TRAM2: variants seen among roughly 807,000 people sequenced by gnomAD.
TRAM2 encodes the protein translocating chain-associated membrane protein 2.
Under a neutral mutation model 51.0 loss-of-function variants are expected in TRAM2, and 12 were observed. The observed-to-expected ratio is 0.24, with a 90% CI of 0.15 to 0.38. The LOEUF is 0.38. Among genes scored for constraint, TRAM2 ranks in the 10% least tolerant of loss-of-function variants. The pLI, the probability that TRAM2 is intolerant of heterozygous loss-of-function variation, is 1.00. For missense variants in TRAM2, 361 were observed against 462.0 expected, an observed-to-expected ratio of 0.78 and a Z score of 2.00; for synonymous variants, 175 against 179.4, an observed-to-expected ratio of 0.98 and a Z score of 0.20.
chr6:52,547,667 C>T (rs1469944178), intron 1 of TRAM2, among the ~76,000 whole-genome samples: 1 of 152,218 alleles, frequency 6.6e-6, no homozygotes, highest in Non-Finnish European at 1.5e-5. Flanking sequence ...GAGGGACAGG[C>T]AGGGCCACCT....
rs1766152495 is a variant in TRAM2 at position 52,499,140 on chromosome 6, A to G, written c.*4057T>C. 6.6e-6 allele frequency: 1 copy of G among 152,096 alleles called. No individual in the cohort carries two copies. The highest frequency in any genetic ancestry group is 2.1e-4 in the South Asian group (1 of 4,824). The allele number at this position is 152,096 out of a possible 1,614,324, so 9.4% of individuals were successfully genotyped here. A position where few individuals can be genotyped will look rare whatever the true frequency, so the allele number is the denominator to read the frequency against. ...TGGTAAAGTCTTCCTCACTGGGACA[A>G]CCTTGAGCTGGAGAGAGATCCTATT... On this transcript the variant is annotated 3_prime_UTR_variant, in exon 11 of 11. Transcript: ENST00000182527.
chr6:52,556,426 A>T lies in TRAM2; in HGVS notation c.120+20370T>A, dbSNP rs368531084. Among the ~76,000 whole-genome samples the T allele has an allele frequency of 5.3e-5, 8 of 152,042 alleles. No homozygotes were observed. In the East Asian group the frequency reaches 9.8e-4, roughly 19 times the overall value. On this transcript the variant is annotated intron_variant, in intron 1 of 10. Coordinates refer to ENST00000182527, the MANE Select transcript of TRAM2 (RefSeq NM_012288.4). ...CTCCCAAGTAGCTGGAAGTACAGGC[A>T]TGTGCCACAACACCCAGCTAATTTG...
intron 4 of TRAM2, chr6:52,515,757 A>G (rs903512059): frequency 2.8e-5 from 13 of 463,178 alleles, no homozygotes; most frequent in African/African-American, 2.1e-4. Context: ...CATAATGATT[A>G]TAACAAGTGG....
intron 2 of TRAM2, among the ~76,000 whole-genome samples, chr6:52,526,413 T>A (rs1384228081): frequency 6.6e-6 from 1 of 152,088 alleles, no homozygotes; most frequent in Non-Finnish European, 1.5e-5. Context: ...GCTTTTTGTT[T>A]TTGTTTTTTT....
Position 52,505,983 on chromosome 6 carries a change from A to C in TRAM2, c.731+49T>G, listed in dbSNP as rs768872913. Reference sequence around the variant, plus strand: ...CTCCAACCATCCGGGCCTCGGGGGAACCCCTGCCCAGGCCTCTAAGCGGGC... The same window carrying C: ...CTCCAACCATCCGGGCCTCGGGGGACCCCCTGCCCAGGCCTCTAAGCGGGC... On this transcript the variant is annotated intron_variant, in intron 8 of 10. Transcript: ENST00000182527. 3 of 1,593,584 alleles carry C rather than the reference A, an allele frequency of 1.9e-6. No homozygotes were observed. In the East Asian group the frequency reaches 6.7e-5, roughly 36 times the overall value.
chr6:52,547,971 T>C (rs930340585), intron 1 of TRAM2, among the ~76,000 whole-genome samples: 1 of 152,238 alleles, frequency 6.6e-6, no homozygotes, highest in African/African-American at 2.4e-5. Flanking sequence ...AGATATGTCA[T>C]GGAAAGCATT....
At chr6:52,526,553 A>ATT (rs199949735) in intron 2 of TRAM2, among the ~76,000 whole-genome samples, 1 of 151,862 alleles carries the variant, frequency 6.6e-6, no homozygotes, top group African/African-American at 2.4e-5. Context: ...CACCCAGCTA[A>ATT]TTTTTTTGCA....
intron 1 of TRAM2, among the ~76,000 whole-genome samples, chr6:52,561,214 G>C (rs1272856470): frequency 6.6e-6 from 1 of 152,196 alleles, no homozygotes; most frequent in Non-Finnish European, 1.5e-5. Context: ...TTGTTGCTGG[G>C]GTGGAGATGC....
chr6:52,531,926 T>C (rs962713522), intron 2 of TRAM2, among the ~76,000 whole-genome samples: 1 of 152,222 alleles, frequency 6.6e-6, no homozygotes, highest in Admixed American at 6.5e-5. Flanking sequence ...ACCCAGACCC[T>C]GGCTAACAAT....
At chr6:52,573,560 A>C (rs1767715330) in intron 1 of TRAM2, among the ~76,000 whole-genome samples, 1 of 152,160 alleles carries the variant, frequency 6.6e-6, no homozygotes, top group Non-Finnish European at 1.5e-5. Flanking sequence ...AGGGGGGAAA[A>C]GCTGCCCCCT....
chr6:52,541,233 C>T (rs542117775), intron 1 of TRAM2, among the ~76,000 whole-genome samples: 9 of 152,312 alleles, frequency 5.9e-5, no homozygotes, highest in Admixed American at 3.3e-4. Context: ...CTATTAATAA[C>T]GACAACAACA....
chr6:52,561,376 A>G (rs1426778452), intron 1 of TRAM2, among the ~76,000 whole-genome samples: 4 of 151,862 alleles, frequency 2.6e-5, no homozygotes, highest in Admixed American at 6.5e-5. Context: ...TCTGCCTCCC[A>G]GACTCAAATG....
In TRAM2 at chr6:52,533,480, T is replaced by C. The variant is rs902557769; in HGVS notation, c.184+2303A>G. On this transcript the variant is annotated intron_variant, in intron 2 of 10. Transcript: ENST00000182527. The stretch of plus-strand genomic sequence containing the variant: ...TTCCTGACCACTGGTGCTGGCCACA[T>C]GTTTCCTGGCCCACTGAGGACAGAG... 2.0e-5 allele frequency among the ~76,000 whole-genome samples: 3 copies of C among 152,286 alleles called. No individual in the cohort carries two copies. In the East Asian group the frequency reaches 5.8e-4, roughly 29 times the overall value.
chr6:52,576,759 C>T, intron 1 of TRAM2, 37 bp downstream of exon 1: 1 of 1,605,118 alleles, frequency 6.2e-7, no homozygotes, highest in Non-Finnish European at 8.5e-7. Flanking sequence ...CGACAGGGGG[C>T]ACTGTCCCTC....
At chr6:52,533,793 T>A (rs1766932429) in intron 2 of TRAM2, among the ~76,000 whole-genome samples, 1 of 152,158 alleles carries the variant, frequency 6.6e-6, no homozygotes. Flanking sequence ...GTCACCTCTC[T>A]ACTATAAAGA....
intron 1 of TRAM2, among the ~76,000 whole-genome samples, chr6:52,560,006 C>T (rs142692857): frequency 2.0e-5 from 3 of 151,970 alleles, no homozygotes; most frequent in Admixed American, 6.6e-5. Context: ...TTTGGGAAGC[C>T]GAGGCAGGTG....
At chr6:52,565,961 A>T (rs1043127259) in intron 1 of TRAM2, among the ~76,000 whole-genome samples, 3 of 152,228 alleles carry the variant, frequency 2.0e-5, no homozygotes, top group African/African-American at 7.2e-5. Flanking sequence ...TTTGCATGCA[A>T]GCATCATTAT....
intron 1 of TRAM2, among the ~76,000 whole-genome samples, chr6:52,541,461 G>T (rs988540775): frequency 6.6e-6 from 1 of 152,222 alleles, no homozygotes; most frequent in African/African-American, 2.4e-5. Flanking sequence ...AACTTTACCT[G>T]ATTCTACTTA....
intron 2 of TRAM2, chr6:52,522,795 A>G: frequency 1.5e-6 from 1 of 645,964 alleles, no homozygotes; most frequent in Non-Finnish European, 2.8e-6. Flanking sequence ...AACCTCTGTG[A>G]GCAGCTGTCC....
Sources: gnomAD v4.1 joint callset for allele counts (sites outside exome capture counted in the v4.1 genomes callset) on GRCh38, gnomAD v4.1.1 for gene constraint, MANE v1.5 for transcripts, NCBI Gene and HGNC (gene_info 2026-07-23, HGNC 2026-07-21) for gene names.